FOXP1: variants seen among roughly 807,000 people sequenced by gnomAD.
The protein encoded by FOXP1 is forkhead box P1.
In FOXP1, 15 loss-of-function variants were observed where a neutral mutation model predicts 98.2. That is an observed-to-expected ratio of 0.15 (90% CI 0.10 to 0.24). The LOEUF (loss-of-function observed/expected upper bound fraction) is 0.24, where lower values mean the gene tolerates loss of function less well. Ranked by LOEUF, FOXP1 falls within the 10% of genes least tolerant of loss-of-function variation. The pLI is 1.00. For synonymous variants in FOXP1, 371 were observed against 314.5 expected (o/e 1.18, Z -1.90); for missense variants, 633 against 848.5 (o/e 0.75, Z 3.15).
At chr3:71,160,175 GTGTA>G (rs984093364) in intron 6 of FOXP1, among the ~76,000 whole-genome samples, 1 of 152,054 alleles carries the variant, frequency 6.6e-6, no homozygotes, top group African/African-American at 2.4e-5. Context: ...TGACACTGCC[GTGTA>G]TGTATTTCTT....
At chr3:71,286,816 G>T (rs1418049593) in intron 5 of FOXP1, among the ~76,000 whole-genome samples, 2 of 152,162 alleles carry the variant, frequency 1.3e-5, no homozygotes, top group Non-Finnish European at 2.9e-5. Context: ...GCAGAGCCAA[G>T]CAATGATTTT....
At chr3:71,378,668 T>G (rs1560396864) in intron 3 of FOXP1, among the ~76,000 whole-genome samples, 2 of 152,008 alleles carry the variant, frequency 1.3e-5, no homozygotes, top group Non-Finnish European at 2.9e-5. Context: ...TGCTGGCATA[T>G]TGGTATAATT....
intron 6 of FOXP1, among the ~76,000 whole-genome samples, chr3:71,170,120 T>C (rs1308348308): frequency 6.6e-6 from 1 of 152,198 alleles, no homozygotes; most frequent in Non-Finnish European, 1.5e-5. Flanking sequence ...TCAGCAAACT[T>C]AGTAAATAAT....
At chr3:71,039,706 G>A (rs1362819127) in intron 11 of FOXP1, among the ~76,000 whole-genome samples, 6 of 149,172 alleles carry the variant, frequency 4.0e-5, no homozygotes, top group Admixed American at 2.7e-4. Context: ...TATAGCAAAG[G>A]ACAACAGCCT....
rs2032541799 is a variant in FOXP1, at chr3:70,958,998, A to G, written c.*249T>C. On this transcript the variant is annotated 3_prime_UTR_variant, in exon 21 of 21. Coordinates refer to ENST00000649528, the MANE Select transcript of FOXP1 (RefSeq NM_001349338.3). ...CGGTTAAGAGAGGAAAATCCCAAGT[A>G]CCAAACAAGTCCATCCAATGCACAG... 1 of 478,586 alleles carries G rather than the reference A, an allele frequency of 2.1e-6. No homozygotes were observed. Among genetic ancestry groups the G allele is most frequent in the South Asian group, 2.1e-5 (1 of 46,978 alleles). The allele number at this position is 478,586 out of a possible 1,614,324, so 29.6% of individuals were successfully genotyped here. A position where few individuals can be genotyped will look rare whatever the true frequency, so the allele number is the denominator to read the frequency against.
chr3:70,977,079 C>A, intron 16 of FOXP1, 37 bp from the exon 17 acceptor site: 1 of 1,353,274 alleles, frequency 7.4e-7, no homozygotes, highest in South Asian at 1.2e-5. Flanking sequence ...AATTTATGAC[C>A]AAATCAGCAG....
chr3:71,166,924 G>A (rs72951379), intron 6 of FOXP1, among the ~76,000 whole-genome samples: 6,004 of 152,014 alleles, frequency 0.039, 411 homozygotes, highest in African/African-American at 0.14. Flanking sequence ...GCCCCGTAAT[G>A]CCCTCACTTT....
At chr3:71,277,829 A>T (rs915609345) in intron 5 of FOXP1, among the ~76,000 whole-genome samples, 1 of 151,972 alleles carries the variant, frequency 6.6e-6, no homozygotes, top group African/African-American at 2.4e-5. Context: ...AATTAATTAA[A>T]TTTTTTTAGG....
chr3:71,148,861 CAA>C (rs1223532719), intron 6 of FOXP1, among the ~76,000 whole-genome samples: 1 of 152,120 alleles, frequency 6.6e-6, no homozygotes, highest in Non-Finnish European at 1.5e-5. Context: ...GCACTCTACT[CAA>C]AAGAGAAGGT....
At chr3:71,449,099 T>G (rs1250961259) in intron 3 of FOXP1, among the ~76,000 whole-genome samples, 1 of 152,198 alleles carries the variant, frequency 6.6e-6, no homozygotes, top group Non-Finnish European at 1.5e-5. Context: ...TATTATATGA[T>G]CATATTCATT....
At chr3:71,582,319 G>A (rs1429924275) in intron 1 of FOXP1, 1 of 969,238 alleles carries the variant, frequency 1.0e-6, no homozygotes, top group African/African-American at 1.8e-5. Flanking sequence ...GAGGGAAGGC[G>A]GAGGCAGCAA....
intron 2 of FOXP1, among the ~76,000 whole-genome samples, chr3:71,527,627 G>A (rs192348981): frequency 2.0e-5 from 3 of 152,334 alleles, no homozygotes; most frequent in Admixed American, 1.3e-4. Flanking sequence ...GGTGCAGAGT[G>A]TAACCAGCAT....
chr3:71,104,564 T>G (rs1429481458), intron 7 of FOXP1, among the ~76,000 whole-genome samples: 1 of 152,214 alleles, frequency 6.6e-6, no homozygotes, highest in African/African-American at 2.4e-5. Context: ...CCTCTAACTG[T>G]CATCAACATT....
chr3:71,391,343 A>G (rs1016191022), intron 3 of FOXP1, among the ~76,000 whole-genome samples: 1 of 152,234 alleles, frequency 6.6e-6, no homozygotes, highest in African/African-American at 2.4e-5. Context: ...GCCTAACTAA[A>G]TAAACAAAGA....
chr3:71,330,466 G>A (rs562450437), intron 4 of FOXP1, among the ~76,000 whole-genome samples: 2 of 152,270 alleles, frequency 1.3e-5, no homozygotes, highest in African/African-American at 4.8e-5. Flanking sequence ...CATCGATATT[G>A]ACCATAGGAA....
At chr3:71,092,740 AT>A (rs952286089) in intron 7 of FOXP1, among the ~76,000 whole-genome samples, 1 of 151,946 alleles carries the variant, frequency 6.6e-6, no homozygotes, top group African/African-American at 2.4e-5. Context: ...AGTTTTTCTT[AT>A]TTTGAAGGAA....
chr3:71,509,269 T>C (rs1252627715), intron 2 of FOXP1, among the ~76,000 whole-genome samples: 1 of 152,198 alleles, frequency 6.6e-6, no homozygotes, highest in Non-Finnish European at 1.5e-5. Context: ...CATTAATATT[T>C]GCTCATGACT....
rs1576675406 is a variant in FOXP1, at chr3:71,268,560, A to AGTTAT, written c.-12+31259_-12+31260insATAAC. On this transcript the variant is annotated intron_variant, in intron 5 of 20. Transcript: ENST00000649528. ...TCTTTTTACCATCACTTTGAGAAAA[A>AGTTAT]CAACCAACATGGTTTGCTTGGAGAC... Among the ~76,000 whole-genome samples, 7 of 152,194 alleles carry AGTTAT rather than the reference A, an allele frequency of 4.6e-5. No homozygotes were observed. The East Asian group carries it at 1.4e-3, about 29-fold the overall frequency.
chr3:71,267,256 A>G (rs1576667769), intron 5 of FOXP1, among the ~76,000 whole-genome samples: 1 of 152,148 alleles, frequency 6.6e-6, no homozygotes, highest in East Asian at 1.9e-4. Context: ...GCTCTGAAGC[A>G]ATGGAAGTGG....
Sources: gnomAD v4.1 joint callset for allele counts (sites outside exome capture counted in the v4.1 genomes callset) on GRCh38, gnomAD v4.1.1 for gene constraint, MANE v1.5 for transcripts, NCBI Gene and HGNC (gene_info 2026-07-23, HGNC 2026-07-21) for gene names.